TF: variants seen among roughly 807,000 people sequenced by gnomAD.
TF encodes serotransferrin.
TF carries 55 observed loss-of-function variants against 82.4 expected under a neutral mutation model. That is an observed-to-expected ratio of 0.67 (90% CI 0.54 to 0.84). TF has a LOEUF of 0.84. Among genes scored for constraint, TF ranks in the 40% least tolerant of loss-of-function variants. The probability of loss-of-function intolerance (pLI) is 0.00; values close to 1 mark genes in which losing one functional copy is unlikely to be tolerated. For synonymous variants in TF, 332 were observed against 332.6 expected (o/e 1.00, Z 0.02); for missense variants, 737 against 868.4 (o/e 0.85, Z 1.90).
At position 133,766,175 on chromosome 3, in the gene TF, CTGAT is replaced by C. The variant is rs1444232579; in HGVS notation, c.1331-99_1331-96del. Reference sequence around the variant, plus strand: ...GGAAGATCCTCTCAAGACACAATGACTGATTGAGGATATCTTTGCTTCCCTAGGG... The same window carrying C: ...GGAAGATCCTCTCAAGACACAATGACTGAGGATATCTTTGCTTCCCTAGGG... On this transcript the variant is annotated intron_variant, in intron 11 of 16. Transcript: ENST00000402696. 1.5e-5 allele frequency: 16 copies of C among 1,101,372 alleles called. No homozygotes were observed. The Admixed American group carries it at 2.7e-4, about 19-fold the overall frequency. 68.2% of individuals were successfully genotyped at this position (1,101,372 alleles called of 1,614,324 possible). A position where few individuals can be genotyped will look rare whatever the true frequency, so the allele number is the denominator to read the frequency against.
the TF span, among the ~76,000 whole-genome samples, chr3:133,705,537 AT>A: frequency 6.6e-6 from 1 of 152,018 alleles, no homozygotes; most frequent in Non-Finnish European, 1.5e-5. Flanking sequence ...TACTGGGGAG[AT>A]TTTGGGATGG....
the TF span, among the ~76,000 whole-genome samples, chr3:133,672,798 GAA>G: frequency 6.7e-6 from 1 of 149,380 alleles, no homozygotes; most frequent in Non-Finnish European, 1.5e-5. Flanking sequence ...AAAAAGGAAA[GAA>G]GAGAGAAAGA....
chr3:133,744,065 A>C (rs1465346434), upstream of TF, among the ~76,000 whole-genome samples: 1 of 152,114 alleles, frequency 6.6e-6, no homozygotes, highest in African/African-American at 2.4e-5. Context: ...ATATCCCATG[A>C]GGCTGTATAT....
chr3:133,713,344 G>A, the TF span, among the ~76,000 whole-genome samples: 4 of 152,166 alleles, frequency 2.6e-5, no homozygotes, highest in African/African-American at 9.7e-5. Flanking sequence ...TTGTCATAAG[G>A]CCAAGATAGT....
chr3:133,740,950 TGAC>T, the TF span, among the ~76,000 whole-genome samples: 1 of 148,592 alleles, frequency 6.7e-6, no homozygotes. Flanking sequence ...GAAATACAAT[TGAC>T]TTTGGTGTGT....
the TF span, among the ~76,000 whole-genome samples, chr3:133,697,284 A>G: frequency 6.6e-6 from 1 of 150,486 alleles, no homozygotes; most frequent in South Asian, 2.1e-4. Context: ...ATTGACTACA[A>G]TTATTACTCA....
chr3:133,735,540 G>T, the TF span, among the ~76,000 whole-genome samples: 2 of 151,914 alleles, frequency 1.3e-5, no homozygotes, highest in African/African-American at 4.8e-5. Flanking sequence ...CCCAATGCAA[G>T]GAAGCTAAAA....
At chr3:133,749,734 G>C (rs1048475965) in intron 2 of TF, among the ~76,000 whole-genome samples, 3 of 152,202 alleles carry the variant, frequency 2.0e-5, no homozygotes, top group African/African-American at 4.8e-5. Flanking sequence ...GGTGATGGGA[G>C]CTGTCAAAGA....
At chr3:133,736,877 T>C in the TF span, among the ~76,000 whole-genome samples, 4 of 151,980 alleles carry the variant, frequency 2.6e-5, no homozygotes, top group Non-Finnish European at 4.4e-5. Flanking sequence ...GTGGGAGACT[T>C]TAACACCCCA....
At chr3:133,662,742 T>TA in the TF span, among the ~76,000 whole-genome samples, 5 of 152,198 alleles carry the variant, frequency 3.3e-5, no homozygotes, top group Non-Finnish European at 7.4e-5. Context: ...TATTCTTTTT[T>TA]AAAAAAATTT....
In TF at chr3:133,792,572, CA is replaced by C. The variant is rs367730606; in HGVS notation, c.*13955del. 1.3e-3 allele frequency: 194 copies of C among 152,234 alleles called. 4 individuals carry two copies. The highest frequency in any genetic ancestry group is 4.5e-3 in the African/African-American group (186 of 41,534). The allele number at this position is 152,234 out of a possible 1,614,324, so 9.4% of individuals were successfully genotyped here. A position where few individuals can be genotyped will look rare whatever the true frequency, so the allele number is the denominator to read the frequency against. ...TATATAATTAAAATCCTTAACTTAC[CA>C]AAGTTTTCACCAAAAGTAAAACTCG... On this transcript the variant is annotated 3_prime_UTR_variant, in exon 17 of 17. Transcript: ENST00000402696.
At chr3:133,729,814 G>T in the TF span, among the ~76,000 whole-genome samples, 2 of 151,984 alleles carry the variant, frequency 1.3e-5, no homozygotes, top group South Asian at 4.2e-4. Context: ...CCTCCCCCCC[G>T]TTTGGTTCTT....
rs1319568618 is a variant in TF at position 133,786,859 on chromosome 3, G to A, written c.*8239G>A. 6.6e-6 allele frequency: 1 copy of A among 152,238 alleles called. No individual in the cohort carries two copies. The highest frequency in any genetic ancestry group is 1.5e-5 in the Non-Finnish European group (1 of 68,044). 9.4% of individuals were successfully genotyped at this position (152,238 alleles called of 1,614,324 possible). On this transcript the variant is annotated 3_prime_UTR_variant, in exon 17 of 17. Transcript: ENST00000402696. ...CCTGAAACATCTTATCTATGTAGAT[G>A]TTCAGAATTGCCTGATGTATGTTAA...
the TF span, among the ~76,000 whole-genome samples, chr3:133,674,246 C>G: frequency 2.0e-5 from 3 of 152,168 alleles, no homozygotes; most frequent in Non-Finnish European, 4.4e-5. Flanking sequence ...GGTCAGAAAC[C>G]TGCGTATAGC....
chr3:133,763,990 G>A (rs1410837722), intron 9 of TF, among the ~76,000 whole-genome samples, 192 bp from the exon 10 acceptor site: 1 of 152,192 alleles, frequency 6.6e-6, no homozygotes, highest in African/African-American at 2.4e-5. Flanking sequence ...ATGATGGTTG[G>A]GTGAAAATGA....
rs1007521546 is a variant in TF, at chr3:133,786,291, A to G, written c.*7671A>G. On this transcript the variant is annotated 3_prime_UTR_variant, in exon 17 of 17. Transcript: ENST00000402696. ...CCTTTCTAGATGTTCTGAAATGCCTATGTTAAAATTAGAGATAGTAAAATA... is the reference window on the plus strand; with the variant it reads ...CCTTTCTAGATGTTCTGAAATGCCTGTGTTAAAATTAGAGATAGTAAAATA... 1 of 151,732 alleles carries G rather than the reference A, an allele frequency of 6.6e-6. No homozygotes were observed. Among genetic ancestry groups the G allele is most frequent in the African/African-American group, 2.4e-5 (1 of 41,280 alleles). The allele number at this position is 151,732 out of a possible 1,614,324, so 9.4% of individuals were successfully genotyped here.
the TF span, among the ~76,000 whole-genome samples, chr3:133,723,915 C>T: frequency 6.6e-6 from 1 of 151,366 alleles, no homozygotes; most frequent in Non-Finnish European, 1.5e-5. Flanking sequence ...GTTTGGTTTT[C>T]TGTCCTTGCG....
the TF span, among the ~76,000 whole-genome samples, chr3:133,736,964 C>T: frequency 5.9e-5 from 9 of 152,126 alleles, no homozygotes; most frequent in East Asian, 1.9e-4. Context: ...CTGGACCAAG[C>T]GGACCTAATA....
the TF span, among the ~76,000 whole-genome samples, chr3:133,684,312 C>T: frequency 1.1e-4 from 16 of 152,072 alleles, no homozygotes; most frequent in Admixed American, 2.6e-4. Context: ...CAAGAGCAAA[C>T]GCATTCAAAA....
Sources: allele counts gnomAD v4.1 joint callset (sites outside exome capture counted in the v4.1 genomes callset), GRCh38; gene constraint gnomAD v4.1.1; transcripts MANE v1.5; gene names NCBI Gene and HGNC (gene_info 2026-07-23, HGNC 2026-07-21).